Variants in BABAM2 observed in about 807,000 individuals in gnomAD.
BABAM2 encodes BRISC and BRCA1 A complex member 2, also known as BRISC and BRCA1-A complex member 2.
A neutral mutation model predicts 54.7 loss-of-function variants in BABAM2; 31 were observed. The ratio of observed to expected loss-of-function variants is 0.57; its 90% CI spans 0.43 to 0.77. The LOEUF is 0.77. Ranked by LOEUF, BABAM2 falls within the 30% of genes least tolerant of loss-of-function variation. The pLI, the probability that BABAM2 is intolerant of heterozygous loss-of-function variation, is 0.00. For synonymous variants in BABAM2, 167 were observed against 162.9 expected (o/e 1.03, Z -0.19); for missense variants, 364 against 455.8 (o/e 0.80, Z 1.83).
intron 11 of BABAM2, among the ~76,000 whole-genome samples, chr2:28,306,709 T>G (rs1450538393): frequency 1.3e-5 from 2 of 151,988 alleles, no homozygotes; most frequent in Non-Finnish European, 2.9e-5. Context: ...TTTTAATTTT[T>G]TTTTTGAGAC....
chr2:28,266,831 G>C (rs1344584567), intron 10 of BABAM2, among the ~76,000 whole-genome samples: 1 of 152,130 alleles, frequency 6.6e-6, no homozygotes, highest in East Asian at 1.9e-4. Flanking sequence ...TTTATTTTGG[G>C]ATAATTGTGG....
chr2:28,108,898 T>C (rs1475417102), intron 6 of BABAM2, among the ~76,000 whole-genome samples: 2 of 152,200 alleles, frequency 1.3e-5, no homozygotes, highest in East Asian at 3.8e-4. Flanking sequence ...TGTATCTAAT[T>C]AGCTCTACAT....
chr2:28,075,462 A>G (rs1395943122), intron 6 of BABAM2, among the ~76,000 whole-genome samples: 1 of 152,180 alleles, frequency 6.6e-6, no homozygotes, highest in Non-Finnish European at 1.5e-5. Context: ...GTGTTTAGGT[A>G]AGAAAGAATA....
intron 7 of BABAM2, among the ~76,000 whole-genome samples, chr2:28,143,810 T>C (rs370233239): frequency 2.0e-5 from 3 of 152,194 alleles, no homozygotes; most frequent in East Asian, 3.8e-4. Flanking sequence ...ATGAGGTTCG[T>C]TGCCACTGTT....
At chr2:28,167,847 C>G (rs1433768258) in intron 7 of BABAM2, among the ~76,000 whole-genome samples, 2 of 152,056 alleles carry the variant, frequency 1.3e-5, no homozygotes, top group Non-Finnish European at 2.9e-5. Flanking sequence ...TTGAGAGAAT[C>G]ATGATGTTCA....
At chr2:28,033,401 A>G (rs1362828886) in intron 5 of BABAM2, among the ~76,000 whole-genome samples, 1 of 152,152 alleles carries the variant, frequency 6.6e-6, no homozygotes, top group Non-Finnish European at 1.5e-5. Flanking sequence ...ATAGAAGTTG[A>G]GAAGTCCTAG....
intron 3 of BABAM2, among the ~76,000 whole-genome samples, chr2:27,938,650 A>G (rs968754716): frequency 6.6e-6 from 1 of 152,180 alleles, no homozygotes; most frequent in South Asian, 2.1e-4. Context: ...TCAGCCTCCC[A>G]AAGTGCTGAG....
At chr2:28,218,749 C>G (rs2148007156) in intron 7 of BABAM2, among the ~76,000 whole-genome samples, 1 of 152,274 alleles carries the variant, frequency 6.6e-6, no homozygotes, top group Non-Finnish European at 1.5e-5. Context: ...CAGACTTTCA[C>G]CCACTAGTTT....
intron 2 of BABAM2, among the ~76,000 whole-genome samples, chr2:27,907,657 T>A (rs1218444879): frequency 6.6e-6 from 1 of 152,298 alleles, no homozygotes; most frequent in Middle Eastern, 3.4e-3. Context: ...GCTGAAACTC[T>A]CTACCATTAA....
intron 3 of BABAM2, among the ~76,000 whole-genome samples, chr2:27,949,537 A>G (rs546832208): frequency 6.6e-6 from 1 of 151,906 alleles, no homozygotes; most frequent in African/African-American, 2.4e-5. Context: ...CCGTCTCAAA[A>G]AAAAAAAAAA....
At chr2:27,942,791 A>AATTTATTT (rs34308709) in intron 3 of BABAM2, among the ~76,000 whole-genome samples, 57,024 of 141,564 alleles carry the variant, frequency 0.4, 12,194 homozygotes, top group South Asian at 0.6. Context: ...TTTCTTAAAA[A>AATTTATTT]ATTTATTTAT....
At chr2:27,934,139 A>G (rs1318044046) in intron 3 of BABAM2, among the ~76,000 whole-genome samples, 1 of 152,010 alleles carries the variant, frequency 6.6e-6, no homozygotes, top group African/African-American at 2.4e-5. Flanking sequence ...CCATTTCCCC[A>G]AAGCGTGTGC....
chr2:28,180,589 G>T (rs1675514173), intron 7 of BABAM2, among the ~76,000 whole-genome samples: 1 of 151,966 alleles, frequency 6.6e-6, no homozygotes, highest in African/African-American at 2.4e-5. Flanking sequence ...CAAAAGCACA[G>T]GTAGCAAAAA....
intron 3 of BABAM2, 37 bp from the exon 4 acceptor site, chr2:27,987,956 G>T (rs1390242697): frequency 6.6e-7 from 1 of 1,519,876 alleles, no homozygotes; most frequent in East Asian, 2.3e-5. Flanking sequence ...TACTTAGAAA[G>T]GAAATAAAAA....
chr2:28,021,203 G>A (rs1409522936), intron 4 of BABAM2, among the ~76,000 whole-genome samples: 1 of 152,204 alleles, frequency 6.6e-6, no homozygotes, highest in Non-Finnish European at 1.5e-5. Flanking sequence ...GAAACAATTT[G>A]TGGAGCTGAA....
chr2:27,933,211 A>G (rs933863739), intron 3 of BABAM2, among the ~76,000 whole-genome samples: 2 of 152,216 alleles, frequency 1.3e-5, no homozygotes, highest in Non-Finnish European at 2.9e-5. Context: ...GTCACTCATC[A>G]TATAACATAA....
intron 5 of BABAM2, among the ~76,000 whole-genome samples, chr2:28,044,814 A>G (rs2148609794): frequency 6.6e-6 from 1 of 152,272 alleles, no homozygotes; most frequent in Middle Eastern, 3.4e-3. Flanking sequence ...AAATATGTCT[A>G]AGTAAAACAC....
chr2:28,291,642 T>C (rs1687294614), intron 10 of BABAM2, among the ~76,000 whole-genome samples: 1 of 152,200 alleles, frequency 6.6e-6, no homozygotes. Context: ...GATCATATCA[T>C]AACCAGCTTA....
intron 10 of BABAM2, among the ~76,000 whole-genome samples, chr2:28,277,294 C>T (rs1685961710): frequency 1.3e-5 from 2 of 152,002 alleles, no homozygotes; most frequent in South Asian, 4.2e-4. Context: ...TTAGTGCAGA[C>T]AGGTTTCACC....
Sources: gnomAD v4.1 joint callset for allele counts (sites outside exome capture counted in the v4.1 genomes callset) on GRCh38, gnomAD v4.1.1 for gene constraint, MANE v1.5 for transcripts, NCBI Gene and HGNC (gene_info 2026-07-23, HGNC 2026-07-21) for gene names.